Variants in ENPEP observed in about 807,000 individuals in gnomAD.
ENPEP encodes glutamyl aminopeptidase.
ENPEP carries 103 observed loss-of-function variants against 114.5 expected under a neutral mutation model. That is an observed-to-expected ratio of 0.90 (90% CI 0.77 to 1.06). The LOEUF is 1.06. Ranked by LOEUF, ENPEP falls within the 50% of genes least tolerant of loss-of-function variation. The pLI, the probability that ENPEP is intolerant of heterozygous loss-of-function variation, is 0.00. For synonymous variants in ENPEP, 420 were observed against 422.0 expected (o/e 1.00, Z 0.06); for missense variants, 1,196 against 1,161.3 (o/e 1.03, Z -0.43).
intron 1 of ENPEP, among the ~76,000 whole-genome samples, chr4:110,478,741 G>A (rs533287968): frequency 6.6e-6 from 1 of 152,156 alleles, no homozygotes; most frequent in East Asian, 1.9e-4. Flanking sequence ...ACACAGCCAA[G>A]AATCTGATTT....
intron 13 of ENPEP, among the ~76,000 whole-genome samples, chr4:110,546,731 C>A (rs994676670): frequency 6.6e-6 from 1 of 152,100 alleles, no homozygotes; most frequent in African/African-American, 2.4e-5. Context: ...CTATAAGCAA[C>A]TTTTCCCATC....
intron 18 of ENPEP, 50 bp from the exon 19 acceptor site, chr4:110,559,597 T>C (rs1727609684): frequency 1.6e-6 from 2 of 1,254,772 alleles, no homozygotes; most frequent in Non-Finnish European, 2.3e-6. Flanking sequence ...AGAGAAAATA[T>C]GTAACATTCT....
At position 110,477,063 on chromosome 4, in the gene ENPEP, A is replaced by G. The variant is rs1724142862; in HGVS notation, c.644+5A>G. 2 of 1,606,522 alleles carry G rather than the reference A, an allele frequency of 1.2e-6. No homozygotes were observed. The highest frequency in any genetic ancestry group is 2.2e-5 in the East Asian group (1 of 44,748). ...CACGGAGAACGGACAAGTCAAGTAA[A>G]TATTAATTTTTGCTTTACCTCCCTT... On this transcript the variant is annotated splice_donor_5th_base_variant and intron_variant, in intron 1 of 19. Coordinates refer to ENST00000265162, the MANE Select transcript of ENPEP (RefSeq NM_001977.4).
intron 4 of ENPEP, 87 bp from the exon 5 acceptor site, chr4:110,509,566 A>G: frequency 1.4e-6 from 2 of 1,481,230 alleles, no homozygotes; most frequent in Non-Finnish European, 9.0e-7. Context: ...TTTAAAAAAC[A>G]TTCATCCAAA....
intron 3 of ENPEP, among the ~76,000 whole-genome samples, chr4:110,499,307 A>G (rs896989715): frequency 2.0e-5 from 3 of 152,230 alleles, no homozygotes; most frequent in African/African-American, 7.2e-5. Flanking sequence ...CCTATGACAT[A>G]AGTGCTGTTG....
intron 18 of ENPEP, 30 bp downstream of exon 18, chr4:110,553,485 T>A: frequency 1.3e-6 from 2 of 1,593,870 alleles, no homozygotes; most frequent in Non-Finnish European, 1.7e-6. Context: ...GTCTGCTGTT[T>A]TCTTTGTTTC....
chr4:110,500,552 T>C (rs920886391), intron 3 of ENPEP, among the ~76,000 whole-genome samples: 1 of 152,210 alleles, frequency 6.6e-6, no homozygotes, highest in African/African-American at 2.4e-5. Context: ...TGTTTATATA[T>C]AATGTTTACA....
rs530386462 is a variant in ENPEP at position 110,551,621 on chromosome 4, A to G, written c.2502-1694A>G. ...CCACACAACTGCAAGTGCAAAGAAA[A>G]TGTAGGACCTTGATTTTCTATCTGA... On this transcript the variant is annotated intron_variant, in intron 17 of 19. Coordinates refer to ENST00000265162, the MANE Select transcript of ENPEP (RefSeq NM_001977.4). 1.2e-4 allele frequency among the ~76,000 whole-genome samples: 18 copies of G among 152,260 alleles called. No homozygotes were observed. The South Asian group carries it at 3.7e-3, about 32-fold the overall frequency.
chr4:110,544,866 C>A (rs1726995431), intron 13 of ENPEP, among the ~76,000 whole-genome samples: 1 of 152,052 alleles, frequency 6.6e-6, no homozygotes, highest in Admixed American at 6.6e-5. Flanking sequence ...TTGGCCACAG[C>A]CCCATAAAAT....
chr4:110,510,512 C>T, intron 6 of ENPEP, among the ~76,000 whole-genome samples, 154 bp downstream of exon 6: 1 of 151,878 alleles, frequency 6.6e-6, no homozygotes. Flanking sequence ...AGCTGACTTC[C>T]ACTGACTACA....
Position 110,564,616 on chromosome 4 carries a change from C to A in ENPEP, c.*3058C>A, listed in dbSNP as rs1382328105. 6.6e-6 allele frequency: 1 copy of A among 152,150 alleles called. No homozygotes were observed. The highest frequency in any genetic ancestry group is 1.9e-4 in the East Asian group (1 of 5,196). The allele number at this position is 152,150 out of a possible 1,614,324, so 9.4% of individuals were successfully genotyped here. ...AAAATAAACTTTGGTTCAGGAATAA[C>A]CAAACCTAAGCAACTGAAGGCACTA... On this transcript the variant is annotated 3_prime_UTR_variant, in exon 20 of 20. Coordinates refer to ENST00000265162, the MANE Select transcript of ENPEP (RefSeq NM_001977.4).
At chr4:110,497,217 C>T (rs1244916596) in intron 3 of ENPEP, among the ~76,000 whole-genome samples, 1 of 152,086 alleles carries the variant, frequency 6.6e-6, no homozygotes, top group African/African-American at 2.4e-5. Context: ...GACATATGGT[C>T]ATTTCATTAT....
intron 11 of ENPEP, among the ~76,000 whole-genome samples, chr4:110,536,265 TA>T (rs1202848629): frequency 5.9e-5 from 9 of 152,264 alleles, no homozygotes; most frequent in Admixed American, 5.9e-4. Context: ...TTTGGTGCAA[TA>T]AAAGTTTCTT....
Position 110,553,353 on chromosome 4 carries a change from C to T in ENPEP, c.2540C>T (p.Thr847Ile). ...DLLKDTNLIKTQDVFTVIRYI... is the reference protein window; with the variant it reads ...DLLKDTNLIKIQDVFTVIRYI... ...CTCAAGGACACGAACCTTATTAAAA[C>T]TCAGGATGTGTTTACAGTCATTCGA... The change falls in exon 18 of 20, where the codon ACT (threonine) becomes ATT (isoleucine). Residue 847 changes from threonine to isoleucine, a missense_variant. Transcript: ENST00000265162. The T allele has an allele frequency of 6.2e-7, 1 of 1,606,146 alleles. No individual in the cohort carries two copies. Among genetic ancestry groups the T allele is most frequent in the Non-Finnish European group, 8.5e-7 (1 of 1,174,924 alleles).
chr4:110,549,943 A>C (rs1727226776), intron 17 of ENPEP, 57 bp downstream of exon 17: 4 of 1,431,648 alleles, frequency 2.8e-6, no homozygotes, highest in African/African-American at 1.5e-5. Flanking sequence ...TATGTGTCAC[A>C]GTCTCTTTAA....
chr4:110,493,681 G>T (rs1023435338), intron 3 of ENPEP, among the ~76,000 whole-genome samples: 9 of 152,210 alleles, frequency 5.9e-5, no homozygotes, highest in African/African-American at 2.2e-4. Flanking sequence ...CTCCTCTTTG[G>T]CATTTGGGAG....
intron 3 of ENPEP, among the ~76,000 whole-genome samples, chr4:110,492,108 A>C (rs1724747304): frequency 6.6e-6 from 1 of 151,994 alleles, no homozygotes; most frequent in African/African-American, 2.4e-5. Flanking sequence ...TCCTGAACAT[A>C]TGTTTAGGTT....
intron 13 of ENPEP, among the ~76,000 whole-genome samples, chr4:110,544,191 T>G (rs560571512): frequency 2.6e-5 from 4 of 152,182 alleles, no homozygotes; most frequent in African/African-American, 7.2e-5. Flanking sequence ...CTTAAGTAAG[T>G]CTCTTAACTT....
At chr4:110,488,488 G>C in intron 1 of ENPEP, 53 bp from the exon 2 acceptor site, 1 of 1,528,924 alleles carries the variant, frequency 6.5e-7, no homozygotes, top group South Asian at 1.3e-5. Context: ...GAGACATAGG[G>C]GTTGTCAGAA....
Sources: allele counts gnomAD v4.1 joint callset (sites outside exome capture counted in the v4.1 genomes callset), GRCh38; gene constraint gnomAD v4.1.1; transcripts MANE v1.5; gene names NCBI Gene and HGNC (gene_info 2026-07-23, HGNC 2026-07-21).